SYT14: variants seen among roughly 807,000 people sequenced by gnomAD.
SYT14 encodes synaptotagmin-14.
In SYT14, 32 loss-of-function variants were observed where a neutral mutation model predicts 74.2. The observed-to-expected ratio is 0.43, with a 90% CI of 0.33 to 0.58. The LOEUF (loss-of-function observed/expected upper bound fraction) is 0.58. Ranked by LOEUF, SYT14 falls within the 20% of genes least tolerant of loss-of-function variation. SYT14 has a pLI of 0.05. For synonymous variants in SYT14, 298 were observed against 337.7 expected, an observed-to-expected ratio of 0.88 and a Z score of 1.29; for missense variants, 791 against 981.8, an observed-to-expected ratio of 0.81 and a Z score of 2.60.
intron 7 of SYT14, among the ~76,000 whole-genome samples, chr1:210,108,655 GAGA>G (rs1421729067): frequency 6.7e-6 from 1 of 150,264 alleles, no homozygotes; most frequent in African/African-American, 2.5e-5. Context: ...AATAACTGAA[GAGA>G]GCCATTAATC....
At chr1:210,163,748 G>A in exon 10 of SYT14, 1 of 448,536 alleles carries the variant, frequency 2.2e-6, no homozygotes, top group South Asian at 1.6e-5. Context: ...ATTAAATAAG[G>A]CTCAGGGGAC....
At chr1:210,090,666 G>A (rs765847822) in intron 5 of SYT14, among the ~76,000 whole-genome samples, 14 of 152,048 alleles carry the variant, frequency 9.2e-5, no homozygotes, top group African/African-American at 3.4e-4. Context: ...TAATGGGAGG[G>A]CATCATCACG....
chr1:210,170,700 TA>T (rs2083515520), exon 10 of SYT14: 2 of 152,142 alleles, frequency 1.3e-5, no homozygotes, highest in Non-Finnish European at 2.9e-5. Flanking sequence ...TAAATGTTAA[TA>T]TGACTGTTAC....
intron 7 of SYT14, among the ~76,000 whole-genome samples, chr1:210,126,062 G>A (rs1208898002): frequency 6.6e-6 from 1 of 152,140 alleles, no homozygotes; most frequent in Non-Finnish European, 1.5e-5. Flanking sequence ...AATTCACTGT[G>A]TGTGGTGGTG....
intron 2 of SYT14, among the ~76,000 whole-genome samples, chr1:209,977,124 G>A (rs1156704596): frequency 2.0e-5 from 3 of 152,146 alleles, no homozygotes; most frequent in Non-Finnish European, 4.4e-5. Context: ...TGGGTTCCCT[G>A]AATACAGCAC....
intron 2 of SYT14, among the ~76,000 whole-genome samples, chr1:210,001,983 T>C (rs1412080141): frequency 6.6e-6 from 1 of 152,176 alleles, no homozygotes; most frequent in Admixed American, 6.5e-5. Context: ...CAGTCAGTTC[T>C]GATTTACATT....
At chr1:210,151,194 G>T (rs1360757119) in intron 7 of SYT14, among the ~76,000 whole-genome samples, 4 of 152,162 alleles carry the variant, frequency 2.6e-5, no homozygotes, top group Admixed American at 6.5e-5. Context: ...ACCTAGTTAT[G>T]ATTGGAATTT....
chr1:210,047,299 C>T (rs1332094047), intron 5 of SYT14, among the ~76,000 whole-genome samples: 2 of 151,794 alleles, frequency 1.3e-5, no homozygotes, highest in Admixed American at 6.6e-5. Context: ...TTAATATAGC[C>T]AAAAAATAAA....
intron 7 of SYT14, among the ~76,000 whole-genome samples, chr1:210,143,877 T>G (rs1369565271): frequency 1.3e-5 from 2 of 152,168 alleles, no homozygotes; most frequent in Non-Finnish European, 1.5e-5. Flanking sequence ...ACTTGTAACA[T>G]CTGTTAATAC....
intron 8 of SYT14, among the ~76,000 whole-genome samples, chr1:210,157,699 G>A (rs1007874558): frequency 6.7e-6 from 1 of 149,364 alleles, no homozygotes; most frequent in East Asian, 2.0e-4. Flanking sequence ...CTGAGATTGC[G>A]CCACTGCACT....
chr1:210,162,853 G>C (rs1429592171), exon 10 of SYT14: 3 of 453,402 alleles, frequency 6.6e-6, no homozygotes, highest in South Asian at 4.7e-5. Flanking sequence ...ATGACATGAG[G>C]TTTGAGAATG....
At position 210,112,159 on chromosome 1, in the gene SYT14, A is replaced by C. The variant is rs1042279959; in HGVS notation, c.2034+11698A>C. ...CTGTGGGAAAGGCCTCTACCCATCC[A>C]GTGGAAGTGTCTACCCAGACCAAGT... On this transcript the variant is annotated intron_variant, in intron 7 of 9. Transcript: ENST00000637265. Among the ~76,000 whole-genome samples the C allele has an allele frequency of 4.2e-4, 63 of 151,402 alleles. 1 individual carries two copies. The highest frequency in any genetic ancestry group is 8.2e-4 in the Non-Finnish European group (56 of 68,020).
chr1:209,982,418 G>T (rs908594182), intron 2 of SYT14, among the ~76,000 whole-genome samples: 1 of 152,180 alleles, frequency 6.6e-6, no homozygotes, highest in East Asian at 1.9e-4. Context: ...AGCCTCCCAA[G>T]ATGCTGGGAT....
intron 2 of SYT14, among the ~76,000 whole-genome samples, chr1:210,005,896 C>T (rs2102895059): frequency 6.6e-6 from 1 of 151,576 alleles, no homozygotes; most frequent in South Asian, 2.1e-4. Context: ...CTAATTTCTT[C>T]AAGATTGATT....
In SYT14 at chr1:210,115,033, G is replaced by A. The variant is rs377673259; in HGVS notation, c.2034+14572G>A. Among the ~76,000 whole-genome samples, 11 of 151,198 alleles carry A rather than the reference G, an allele frequency of 7.3e-5. No individual in the cohort carries two copies. In the East Asian group the frequency reaches 1.7e-3, roughly 24 times the overall value. On this transcript the variant is annotated intron_variant, in intron 7 of 9. Transcript: ENST00000637265. ...GAACAGAGACTAGGGAGGGACTGAT[G>A]TGTAAAAGAATGCCTGGACATCAGG...
chr1:210,161,630 A>C (rs1275167669), exon 10 of SYT14: 1 of 453,856 alleles, frequency 2.2e-6, no homozygotes, highest in African/African-American at 2.0e-5. Flanking sequence ...AAAGCACTAA[A>C]TCTAAGTGCA....
intron 5 of SYT14, among the ~76,000 whole-genome samples, chr1:210,066,436 C>G (rs1397150330): frequency 9.9e-5 from 15 of 152,136 alleles, no homozygotes; most frequent in South Asian, 8.3e-4. Flanking sequence ...GTGTGAGATG[C>G]TATCTCATTG....
At chr1:210,152,884 G>C (rs560999311) in intron 7 of SYT14, among the ~76,000 whole-genome samples, 8 of 151,478 alleles carry the variant, frequency 5.3e-5, no homozygotes, top group African/African-American at 1.9e-4. Flanking sequence ...TTTTTTGTTT[G>C]TTTTTTTTAC....
chr1:209,995,644 T>TCTACAGAACACTCCACCCAACAA (rs929438729), intron 2 of SYT14, among the ~76,000 whole-genome samples: 1 of 152,114 alleles, frequency 6.6e-6, no homozygotes, highest in African/African-American at 2.4e-5. Flanking sequence ...CTCATAGACA[T>TCTACAGAACACTCCACCCAACAA]CTACAGAACA....
Sources: allele counts gnomAD v4.1 joint callset (sites outside exome capture counted in the v4.1 genomes callset), GRCh38; gene constraint gnomAD v4.1.1; transcripts MANE v1.5; gene names NCBI Gene and HGNC (gene_info 2026-07-23, HGNC 2026-07-21).